Variants in AKR1C3 observed in about 807,000 individuals in gnomAD.
AKR1C3 encodes the protein 3-alpha hydroxysteroid dehydrogenase, type II.
AKR1C3 carries 48 observed loss-of-function variants against 43.6 expected under a neutral mutation model. The ratio of observed to expected loss-of-function variants is 1.10; its 90% confidence interval spans 0.87 to 1.40. The LOEUF (loss-of-function observed/expected upper bound fraction) is 1.40. Among genes scored for constraint, AKR1C3 ranks in the 40% most tolerant of loss-of-function variants. The pLI is 0.00. For synonymous variants in AKR1C3, 162 were observed against 139.6 expected, an observed-to-expected ratio of 1.16 and a Z score of -1.13; for missense variants, 482 against 391.2, an observed-to-expected ratio of 1.23 and a Z score of -1.96.
At chr10:5,061,449 A>G (rs147439582) in intron 1 of AKR1C3, among the ~76,000 whole-genome samples, 1 of 151,860 alleles carries the variant, frequency 6.6e-6, no homozygotes, top group Non-Finnish European at 1.5e-5. Flanking sequence ...AGGCATCCCT[A>G]TGGGAGGGGT....
intron 1 of AKR1C3, among the ~76,000 whole-genome samples, chr10:5,087,853 T>A (rs185339188): frequency 6.6e-6 from 1 of 152,250 alleles, no homozygotes; most frequent in Admixed American, 6.5e-5. Flanking sequence ...TTCTTATTTC[T>A]TTTCTTCTGC....
rs1554786178 is a variant in AKR1C3 at position 5,102,354 on chromosome 10, T to C, written c.681-131T>C. 3.1e-6 allele frequency: 5 copies of C among 1,597,936 alleles called. No homozygotes were observed. In the African/African-American group the frequency reaches 5.4e-5, roughly 17 times the overall value. On this transcript the variant is annotated intron_variant, in intron 6 of 8. Transcript: ENST00000380554. Reference sequence around the variant, plus strand: ...GCATTTCTGACGAGATCTTGGATGATGCTGATGGTGATGCTCGGGGGCCTC... The same window carrying C: ...GCATTTCTGACGAGATCTTGGATGACGCTGATGGTGATGCTCGGGGGCCTC...
chr10:5,059,623 G>T (rs10904406), intron 1 of AKR1C3, among the ~76,000 whole-genome samples: 2 of 151,912 alleles, frequency 1.3e-5, no homozygotes, highest in African/African-American at 4.8e-5. Flanking sequence ...TTAGTCCAGC[G>T]GCCGCACTAG....
intron 1 of AKR1C3, among the ~76,000 whole-genome samples, chr10:5,095,245 T>G (rs1554784949): frequency 6.6e-6 from 1 of 152,128 alleles, no homozygotes; most frequent in Non-Finnish European, 1.5e-5. Context: ...ATTCCAAGAC[T>G]GTCCTCAGGC....
At chr10:5,095,927 C>A (rs1554785044) in intron 1 of AKR1C3, among the ~76,000 whole-genome samples, 1 of 152,038 alleles carries the variant, frequency 6.6e-6, no homozygotes, top group Non-Finnish European at 1.5e-5. Flanking sequence ...AACTAGCATC[C>A]AGTCAAAATC....
At chr10:5,105,030 C>T (rs1007208074) in intron 7 of AKR1C3, among the ~76,000 whole-genome samples, 2 of 148,472 alleles carry the variant, frequency 1.3e-5, no homozygotes, top group Non-Finnish European at 3.0e-5. Flanking sequence ...CAATTAGTGG[C>T]ATCCTCTTGA....
At chr10:5,050,163 A>G (rs1838124241) in intron 1 of AKR1C3, among the ~76,000 whole-genome samples, 1 of 152,154 alleles carries the variant, frequency 6.6e-6, no homozygotes, top group South Asian at 2.1e-4. Flanking sequence ...TGCTCACTAA[A>G]TCCTGTCAAT....
chr10:5,070,414 T>A (rs1554781221), intron 1 of AKR1C3, among the ~76,000 whole-genome samples: 1 of 152,244 alleles, frequency 6.6e-6, no homozygotes, highest in Middle Eastern at 3.2e-3. Context: ...ATTGTGGAAG[T>A]GGGCCTGAGC....
chr10:5,052,193 G>A (rs1554778996), intron 1 of AKR1C3, among the ~76,000 whole-genome samples: 1 of 152,156 alleles, frequency 6.6e-6, no homozygotes, highest in East Asian at 1.9e-4. Flanking sequence ...AGCTCTTAAG[G>A]TGGCACGTCT....
At chr10:5,103,950 T>A (rs1400398794) in intron 7 of AKR1C3, among the ~76,000 whole-genome samples, 1 of 151,958 alleles carries the variant, frequency 6.6e-6, no homozygotes, top group East Asian at 1.9e-4. Flanking sequence ...ATATATATAT[T>A]ATAGTTTAAT....
chr10:5,054,961 TG>T (rs1564351970), intron 1 of AKR1C3, among the ~76,000 whole-genome samples: 2 of 152,282 alleles, frequency 1.3e-5, no homozygotes, highest in Admixed American at 1.3e-4. Flanking sequence ...TGGTATTTAA[TG>T]GGGGTTCCCC....
intron 1 of AKR1C3, among the ~76,000 whole-genome samples, chr10:5,086,717 C>T (rs2131824889): frequency 6.6e-6 from 1 of 152,122 alleles, no homozygotes; most frequent in East Asian, 1.9e-4. Context: ...ATCTAAGTCT[C>T]TTTGTAGGTC....
upstream of AKR1C3, among the ~76,000 whole-genome samples, chr10:5,090,804 A>G (rs1316818167): frequency 1.2e-4 from 18 of 152,168 alleles, no homozygotes; most frequent in African/African-American, 4.3e-4. Flanking sequence ...ATGTATGAGG[A>G]AAGAAGACTG....
intron 1 of AKR1C3, chr10:5,080,866 A>C (rs1286917932): frequency 6.6e-6 from 1 of 152,210 alleles, no homozygotes; most frequent in Non-Finnish European, 1.5e-5. Flanking sequence ...GCCACTGACA[A>C]AGAGTTGAAT....
chr10:5,107,212 G>A (rs72776937), intron 8 of AKR1C3, among the ~76,000 whole-genome samples: 9,389 of 152,160 alleles, frequency 0.062, 344 homozygotes, highest in Middle Eastern at 0.085. Flanking sequence ...CAGATGTACA[G>A]GAATATACTT....
chr10:5,100,180 G>C (rs1487663740), intron 5 of AKR1C3, among the ~76,000 whole-genome samples: 1 of 152,210 alleles, frequency 6.6e-6, no homozygotes, highest in Non-Finnish European at 1.5e-5. Flanking sequence ...TGTAATCCCA[G>C]CTACTTGGGA....
At chr10:5,062,083 C>T (rs1369116426) in intron 1 of AKR1C3, among the ~76,000 whole-genome samples, 2 of 152,196 alleles carry the variant, frequency 1.3e-5, no homozygotes, top group African/African-American at 4.8e-5. Context: ...AGTAAATCAG[C>T]TAATCATGGG....
chr10:5,066,118 A>C (rs1477482759), intron 1 of AKR1C3, among the ~76,000 whole-genome samples: 1 of 152,152 alleles, frequency 6.6e-6, no homozygotes, highest in Non-Finnish European at 1.5e-5. Flanking sequence ...TGGGAACTTC[A>C]GGGGTGGATA....
chr10:5,056,312 G>A (rs546022795), intron 1 of AKR1C3, among the ~76,000 whole-genome samples: 2 of 152,108 alleles, frequency 1.3e-5, no homozygotes, highest in Non-Finnish European at 2.9e-5. Flanking sequence ...ACAGAAGAAG[G>A]CATCCTTGAG....
Sources: allele counts gnomAD v4.1 joint callset (sites outside exome capture counted in the v4.1 genomes callset), GRCh38; gene constraint gnomAD v4.1.1; transcripts MANE v1.5; gene names NCBI Gene and HGNC (gene_info 2026-07-23, HGNC 2026-07-21).